Variants in ZHX3 observed in about 807,000 individuals in gnomAD.
The protein encoded by ZHX3 is zinc fingers and homeoboxes 3.
Under a neutral mutation model 64.5 loss-of-function variants are expected in ZHX3, and 20 were observed. That is an observed-to-expected ratio of 0.31 (90% CI 0.22 to 0.45). ZHX3 has a LOEUF of 0.45. Ranked by LOEUF, ZHX3 falls within the 20% of genes least tolerant of loss-of-function variation. The pLI is 1.00. For synonymous variants in ZHX3, 423 were observed against 461.6 expected (o/e 0.92, Z 1.07); for missense variants, 1,041 against 1,195.8 (o/e 0.87, Z 1.91).
At position 41,202,602 on chromosome 20, in the gene ZHX3, G is replaced by C; in HGVS notation, c.2315C>G (p.Thr772Ser). 1 of 1,613,896 alleles carries C rather than the reference G, an allele frequency of 6.2e-7. No homozygotes were observed. The highest frequency in any genetic ancestry group is 8.5e-7 in the Non-Finnish European group (1 of 1,180,032). The change falls in exon 3 of 4, where the codon ACT becomes AGT. Residue 772 changes from threonine (T) to serine (S), a missense_variant. Around this residue, in one of 4 missense-constraint regions of ZHX3, gnomAD observed 649 missense variants for 739.8 expected, o/e 0.88. Transcript: ENST00000683867. The surrounding 1 kb of genome is among the most constrained non-coding windows in gnomAD (Gnocchi z 7.0). Reference protein sequence around the residue: ...QLPGKVSCKKTAQQRHLLRQL... With the variant: ...QLPGKVSCKKSAQQRHLLRQL... ...CCGCAGCAAGTGCCGCTGCTGGGCA[G>C]TCTTTTTGCAGCTCACTTTGCCTGG...
chr20:41,196,403 TA>T (rs2037535900), intron 3 of ZHX3, among the ~76,000 whole-genome samples: 7 of 42,684 alleles, frequency 1.6e-4, no homozygotes, highest in African/African-American at 7.2e-4. Flanking sequence ...TTATATATAT[TA>T]TATATTATAT....
chr20:41,254,813 T>C (rs1025579045), intron 2 of ZHX3, among the ~76,000 whole-genome samples: 6 of 152,166 alleles, frequency 3.9e-5, no homozygotes, highest in African/African-American at 1.4e-4. Context: ...TAATGATGAA[T>C]GCCTAAGTCC....
At chr20:41,317,262 AT>A (rs1319310129) in intron 1 of ZHX3, 1 of 151,980 alleles carries the variant, frequency 6.6e-6, no homozygotes, top group Non-Finnish European at 1.5e-5. Flanking sequence ...GTGATGACAG[AT>A]GGCGGAGGGC....
intron 1 of ZHX3, among the ~76,000 whole-genome samples, chr20:41,315,577 C>A (rs950304160): frequency 1.3e-5 from 2 of 151,936 alleles, no homozygotes; most frequent in Non-Finnish European, 2.9e-5. Context: ...ACAGCAAGGC[C>A]TTCAGAGTTT....
In ZHX3 at chr20:41,302,053, CAAAAAAAA is replaced by C. The variant is rs555883542; in HGVS notation, c.-245+15448_-245+15455del. On this transcript the variant is annotated intron_variant, in intron 1 of 3. Coordinates refer to ENST00000683867, the MANE Select transcript of ZHX3 (RefSeq NM_001384317.1). ...TGGGCGACGGAGCGAGACTCCATCT[CAAAAAAAA>C]AAAAAAAAAAAAAAAAAAAAAGGAA... is the stretch of plus-strand genomic sequence containing the variant. 7.5e-4 allele frequency among the ~76,000 whole-genome samples: 47 copies of C among 62,374 alleles called. 1 individual carries two copies. In the East Asian group the frequency reaches 0.016, roughly 21 times the overall value. 40.9% of individuals were successfully genotyped at this position (62,374 alleles called of 152,430 possible).
At chr20:41,296,786 G>A (rs2044552229) in intron 1 of ZHX3, among the ~76,000 whole-genome samples, 1 of 152,200 alleles carries the variant, frequency 6.6e-6, no homozygotes, top group East Asian at 1.9e-4. Flanking sequence ...GAGAAGCGAG[G>A]GAGGGAATAA....
chr20:41,187,482 T>C (rs1313597483), intron 3 of ZHX3, among the ~76,000 whole-genome samples: 1 of 152,220 alleles, frequency 6.6e-6, no homozygotes, highest in Non-Finnish European at 1.5e-5. Flanking sequence ...TATAATTTCA[T>C]ACTTTTGCAT....
intron 2 of ZHX3, among the ~76,000 whole-genome samples, chr20:41,261,595 T>A (rs1406695450): frequency 2.6e-5 from 4 of 152,214 alleles, no homozygotes; most frequent in African/African-American, 9.7e-5. Flanking sequence ...TTGGGCCTGT[T>A]GTGAAGACTA....
chr20:41,224,798 T>TA lies in ZHX3; in HGVS notation c.-150-19733dup, dbSNP rs2040158883. On this transcript the variant is annotated intron_variant, in intron 2 of 3. Coordinates refer to ENST00000683867, the MANE Select transcript of ZHX3 (RefSeq NM_001384317.1). This position sits in a 1 kb window ranked among gnomAD's most constrained non-coding sequence, Gnocchi z 5.2. ...ATCTACCTTCTTAAGAAAGGAATGTTAGACTTTCTCTGAACATCCTATCTA... is the reference window on the plus strand; with the variant it reads ...ATCTACCTTCTTAAGAAAGGAATGTTAAGACTTTCTCTGAACATCCTATCTA... Among the ~76,000 whole-genome samples, 2 of 152,252 alleles carry TA rather than the reference T, an allele frequency of 1.3e-5. No homozygotes were observed. Among genetic ancestry groups the TA allele is most frequent in the South Asian group, 4.1e-4 (2 of 4,834 alleles).
chr20:41,296,741 A>G lies in ZHX3; in HGVS notation c.-245+20768T>C, dbSNP rs976860232. 4.9e-4 allele frequency among the ~76,000 whole-genome samples: 74 copies of G among 152,226 alleles called. 1 individual carries two copies. Among genetic ancestry groups the G allele is most frequent in the African/African-American group, 1.8e-3 (73 of 41,458 alleles). On this transcript the variant is annotated intron_variant, in intron 1 of 3. Coordinates refer to ENST00000683867, the MANE Select transcript of ZHX3 (RefSeq NM_001384317.1). ...CTTGACCTCTGATTGGGTTTAGCCA[A>G]TGCTAAGTCCCAGAAAGAGATCGGG...
At chr20:41,198,188 G>A (rs1221489928) in intron 3 of ZHX3, among the ~76,000 whole-genome samples, 1 of 151,708 alleles carries the variant, frequency 6.6e-6, no homozygotes, top group Non-Finnish European at 1.5e-5. Flanking sequence ...TGTAGAGATG[G>A]GTTTTCACCA....
chr20:41,296,567 C>T (rs561185875), intron 1 of ZHX3, among the ~76,000 whole-genome samples: 2 of 152,318 alleles, frequency 1.3e-5, no homozygotes, highest in African/African-American at 4.8e-5. Context: ...CCACCTTCTG[C>T]CACACACGTG....
chr20:41,241,715 C>G (rs1008433605), intron 2 of ZHX3, among the ~76,000 whole-genome samples: 8 of 152,078 alleles, frequency 5.3e-5, no homozygotes, highest in African/African-American at 1.7e-4. Context: ...CTCTGGATAG[C>G]TTTGGTTATT....
chr20:41,246,444 G>A (rs2041691839), intron 2 of ZHX3, among the ~76,000 whole-genome samples: 1 of 151,938 alleles, frequency 6.6e-6, no homozygotes, highest in Non-Finnish European at 1.5e-5. Context: ...AATTTGGTTG[G>A]GCTTTCCCCT....
Position 41,263,348 on chromosome 20 carries a change from A to T in ZHX3, c.-151+5642T>A, listed in dbSNP as rs538519176. Reference sequence around the variant, plus strand: ...CTACCGAAAAATAAAAATAAAAACTAAATACACAACTAATAATCTTGAGAA... The same window carrying T: ...CTACCGAAAAATAAAAATAAAAACTTAATACACAACTAATAATCTTGAGAA... On this transcript the variant is annotated intron_variant, in intron 2 of 3. Coordinates refer to ENST00000683867, the MANE Select transcript of ZHX3 (RefSeq NM_001384317.1). 7.6e-4 allele frequency among the ~76,000 whole-genome samples: 115 copies of T among 152,250 alleles called. 2 individuals carry two copies. The highest frequency in any genetic ancestry group is 2.7e-3 in the African/African-American group (113 of 41,556).
chr20:41,243,167 A>T (rs914988097), intron 2 of ZHX3, among the ~76,000 whole-genome samples: 3 of 152,208 alleles, frequency 2.0e-5, no homozygotes, highest in Non-Finnish European at 2.9e-5. Context: ...AGTCAGAGGC[A>T]TATGGGATTT....
intron 1 of ZHX3, among the ~76,000 whole-genome samples, chr20:41,286,645 C>G (rs2043949789): frequency 6.6e-6 from 1 of 152,158 alleles, no homozygotes; most frequent in Admixed American, 6.5e-5. Flanking sequence ...GGCTAAAAGC[C>G]CTGCATGATC....
intron 2 of ZHX3, among the ~76,000 whole-genome samples, chr20:41,207,109 T>C (rs2038776792): frequency 6.6e-6 from 1 of 152,186 alleles, no homozygotes; most frequent in South Asian, 2.1e-4. Context: ...CTGAGAGATT[T>C]TGTCACCACC....
chr20:41,204,260 C>T lies in ZHX3; in HGVS notation c.657G>A (p.Ser219=), dbSNP rs781756267. Residue 219 remains serine, a synonymous_variant, in exon 3 of 4, where the codon TCG becomes TCA. Transcript: ENST00000683867. This position sits in a 1 kb window ranked among gnomAD's most constrained non-coding sequence, Gnocchi z 6.6. ...QPVGEALPKL[S]TGEMEVREGD... is the part of the protein sequence containing the mutation. ...CCTCTCTCACCTCCATTTCTCCAGT[C>T]GACAGCTTTGGTAAGGCCTCACCCA... The T allele has an allele frequency of 1.3e-5, 21 of 1,614,012 alleles. No homozygotes were observed. Among genetic ancestry groups the T allele is most frequent in the East Asian group, 8.9e-5 (4 of 44,892 alleles).
Sources: gnomAD v4.1 joint callset for allele counts (sites outside exome capture counted in the v4.1 genomes callset) on GRCh38, gnomAD v4.1.1 for gene constraint, gnomAD v4.1.1 regional missense constraint, Gnocchi (gnomAD v3.1) non-coding constraint, MANE v1.5 for transcripts, NCBI Gene and HGNC (gene_info 2026-07-23, HGNC 2026-07-21) for gene names.